IL1RAPL2: variants seen among roughly 807,000 people sequenced by gnomAD.
IL1RAPL2 encodes the protein X-linked interleukin-1 receptor accessory protein-like 2.
Under a neutral mutation model 44.1 loss-of-function variants are expected in IL1RAPL2, and 3 were observed. That is an observed-to-expected ratio of 0.07 (90% CI 0.03 to 0.18). IL1RAPL2 has a LOEUF of 0.18. Among genes scored for constraint, IL1RAPL2 ranks in the 10% least tolerant of loss-of-function variants. IL1RAPL2 has a pLI of 1.00. For synonymous variants in IL1RAPL2, 181 were observed against 178.8 expected, an observed-to-expected ratio of 1.01 and a Z score of -0.10; for missense variants, 391 against 496.4, an observed-to-expected ratio of 0.79 and a Z score of 2.02.
intron 2 of IL1RAPL2, among the ~76,000 whole-genome samples, chrX:104,693,150 A>G (rs780094260): frequency 6.2e-5 from 7 of 112,117 alleles, no homozygotes; most frequent in Non-Finnish European, 9.4e-5. Flanking sequence ...AAACTTTTTG[A>G]AAATTGTGTA....
At chrX:105,068,353 C>T (rs779365719) in intron 2 of IL1RAPL2, among the ~76,000 whole-genome samples, 1 of 111,681 alleles carries the variant, frequency 9.0e-6, no homozygotes, top group East Asian at 2.8e-4. Context: ...GATACAAAAA[C>T]ACCTAGGTTC....
At chrX:104,894,129 C>G (rs1322916038) in intron 2 of IL1RAPL2, among the ~76,000 whole-genome samples, 1 of 112,002 alleles carries the variant, frequency 8.9e-6, no homozygotes, top group Non-Finnish European at 1.9e-5. Context: ...TCTCTTCTGG[C>G]TTATAGTTTC....
intron 5 of IL1RAPL2, among the ~76,000 whole-genome samples, chrX:105,411,574 A>T (rs2035695934): frequency 9.0e-6 from 1 of 111,583 alleles, no homozygotes; most frequent in South Asian, 3.7e-4. Flanking sequence ...AGACCAAAAG[A>T]TTATTGTATA....
intron 3 of IL1RAPL2, among the ~76,000 whole-genome samples, chrX:105,226,385 C>CTTTTTTTTTTTTTTTTTT (rs35192051): frequency 1.7e-4 from 9 of 53,352 alleles, no homozygotes; most frequent in African/African-American, 7.6e-4. Flanking sequence ...TTTCTTTTCC[C>CTTTTTTTTTTTTTTTTTT]TTTTTTTTTT....
intron 7 of IL1RAPL2, among the ~76,000 whole-genome samples, chrX:105,738,314 TAC>T (rs1159899974): frequency 1.8e-5 from 2 of 111,851 alleles, no homozygotes; most frequent in African/African-American, 6.5e-5. Context: ...GTAGTTATTT[TAC>T]AGTTTCAGGA....
At chrX:104,826,938 C>CTTTTTTTTT (rs1176113214) in intron 2 of IL1RAPL2, among the ~76,000 whole-genome samples, 6 of 34,850 alleles carry the variant, frequency 1.7e-4, no homozygotes, top group Admixed American at 3.6e-4. Context: ...GCAACCCCTG[C>CTTTTTTTTT]TTTTTTTTTT....
chrX:105,632,305 C>A (rs2037497099), intron 6 of IL1RAPL2, among the ~76,000 whole-genome samples: 1 of 111,785 alleles, frequency 8.9e-6, no homozygotes, highest in Non-Finnish European at 1.9e-5. Flanking sequence ...GGGTGAATCA[C>A]TCTTCTAGGC....
chrX:105,030,296 T>C (rs2031463887), intron 2 of IL1RAPL2, among the ~76,000 whole-genome samples: 1 of 111,154 alleles, frequency 9.0e-6, no homozygotes, highest in African/African-American at 3.3e-5. Flanking sequence ...TTGCTTTTGG[T>C]GTTTTAGACA....
At chrX:105,688,333 A>T (rs187236134) in intron 6 of IL1RAPL2, among the ~76,000 whole-genome samples, 26 of 111,988 alleles carry the variant, frequency 2.3e-4, no homozygotes, top group African/African-American at 7.8e-4. Flanking sequence ...CCATCGTCAC[A>T]GCCCAAAATC....
At chrX:105,522,253 T>C (rs2036564511) in intron 6 of IL1RAPL2, among the ~76,000 whole-genome samples, 1 of 112,269 alleles carries the variant, frequency 8.9e-6, no homozygotes, top group African/African-American at 3.2e-5. Flanking sequence ...AATATAATGA[T>C]AAATTTCATG....
At chrX:104,947,530 T>C (rs1217811722) in intron 2 of IL1RAPL2, among the ~76,000 whole-genome samples, 6 of 103,631 alleles carry the variant, frequency 5.8e-5, no homozygotes, top group Non-Finnish European at 5.9e-5. Flanking sequence ...GGTTTTCTTC[T>C]AGGGTTTTTA....
At chrX:105,602,562 G>C (rs1270601299) in intron 6 of IL1RAPL2, among the ~76,000 whole-genome samples, 1 of 110,988 alleles carries the variant, frequency 9.0e-6, no homozygotes, top group Non-Finnish European at 1.9e-5. Context: ...AAGGCAAGAT[G>C]TGAATATTCA....
chrX:105,107,033 C>T (rs780292191), intron 2 of IL1RAPL2, among the ~76,000 whole-genome samples: 90 of 111,726 alleles, frequency 8.1e-4, no homozygotes, highest in African/African-American at 2.8e-3. Flanking sequence ...TAAGCATTTC[C>T]AACCACAGGC....
intron 2 of IL1RAPL2, among the ~76,000 whole-genome samples, chrX:104,955,152 C>T (rs1052670361): frequency 1.8e-5 from 2 of 111,664 alleles, no homozygotes; most frequent in South Asian, 3.8e-4. Flanking sequence ...GTGCCTCTTT[C>T]CTGTTGTAGC....
At chrX:105,104,427 A>G (rs1258163862) in intron 2 of IL1RAPL2, among the ~76,000 whole-genome samples, 2 of 111,799 alleles carry the variant, frequency 1.8e-5, no homozygotes, top group Non-Finnish European at 3.8e-5. Flanking sequence ...TAAGAATTGG[A>G]AAGTAAGGAA....
intron 6 of IL1RAPL2, among the ~76,000 whole-genome samples, chrX:105,678,353 C>G (rs1466064468): frequency 1.8e-5 from 2 of 112,041 alleles, no homozygotes; most frequent in Admixed American, 9.5e-5. Context: ...TACAAACAAT[C>G]CAGTTATACT....
At chrX:105,533,945 G>A (rs182423880) in intron 6 of IL1RAPL2, among the ~76,000 whole-genome samples, 58 of 111,931 alleles carry the variant, frequency 5.2e-4, no homozygotes, top group African/African-American at 1.8e-3. Context: ...CAGCCACATA[G>A]AACTTCATTG....
chrX:105,401,614 C>T (rs146372998), intron 5 of IL1RAPL2, among the ~76,000 whole-genome samples: 1,891 of 110,361 alleles, frequency 0.017, 39 homozygotes, highest in African/African-American at 0.059. Flanking sequence ...AGAGCTAGGA[C>T]TCCCTTAGGT....
chrX:104,761,230 C>T (rs1360137543), intron 2 of IL1RAPL2, among the ~76,000 whole-genome samples: 5 of 111,290 alleles, frequency 4.5e-5, no homozygotes, highest in African/African-American at 6.5e-5. Context: ...AGGAAACTTA[C>T]AGTCATGGTG....
Sources: allele counts gnomAD v4.1 joint callset (sites outside exome capture counted in the v4.1 genomes callset), GRCh38; gene constraint gnomAD v4.1.1; transcripts MANE v1.5; gene names NCBI Gene and HGNC (gene_info 2026-07-23, HGNC 2026-07-21).